DYNC2I1: variants seen among roughly 807,000 people sequenced by gnomAD.
The protein encoded by DYNC2I1 is dynein 2 intermediate chain 1.
A neutral mutation model predicts 133.4 loss-of-function variants in DYNC2I1; 89 were observed. The ratio of observed to expected loss-of-function variants is 0.67; its 90% CI spans 0.56 to 0.80. The LOEUF is 0.80. Among genes scored for constraint, DYNC2I1 ranks in the 30% least tolerant of loss-of-function variants. The probability of loss-of-function intolerance (pLI) is 0.00; values close to 1 mark genes in which losing one functional copy is unlikely to be tolerated. For synonymous variants in DYNC2I1, 504 were observed against 484.3 expected, an observed-to-expected ratio of 1.04 and a Z score of -0.54; for missense variants, 1,291 against 1,314.5, an observed-to-expected ratio of 0.98 and a Z score of 0.28.
intron 2 of DYNC2I1, among the ~76,000 whole-genome samples, chr7:158,870,516 C>CTAATTTTTTAATTTTT (rs11281702): frequency 1.1e-4 from 17 of 147,906 alleles, no homozygotes; most frequent in Middle Eastern, 3.4e-3. Flanking sequence ...ACCAGGCTTG[C>CTAATTTTTTAATTTTT]TAATTTTTTA....
chr7:158,951,546 G>A lies in DYNC2I1; in HGVS notation c.*57-5037G>A, dbSNP rs796509675. On this transcript the variant is annotated intron_variant and NMD_transcript_variant, in intron 4 of 4. Coordinates refer to the DYNC2I1 transcript ENST00000454771. Reference sequence around the variant, plus strand: ...GCGTGTTCCTACCAGCCACAGGAAGGTGCTGGAGCCCCAGGGCATGCTGGC... The same window carrying A: ...GCGTGTTCCTACCAGCCACAGGAAGATGCTGGAGCCCCAGGGCATGCTGGC... Among the ~76,000 whole-genome samples, 8 of 152,382 alleles carry A rather than the reference G, an allele frequency of 5.2e-5. No individual in the cohort carries two copies. In the South Asian group the frequency reaches 1.7e-3, roughly 32 times the overall value.
chr7:158,926,268 G>A lies in DYNC2I1; in HGVS notation c.2339G>A (p.Ser780Asn), dbSNP rs1195935422. The change falls in exon 18 of 25, where the codon AGC becomes AAC. Residue 780 changes from serine to asparagine, a missense_variant. Physicochemically the swap from Ser to Asn is conservative, Grantham distance 46. Coordinates refer to ENST00000407559, the MANE Select transcript of DYNC2I1 (RefSeq NM_018051.5). ...TCAACGTCCGTCCACAAAAAGCAGA[G>A]CTTTGTGCTTTCACCCTTTTCTACT... is the stretch of plus-strand genomic sequence containing the variant. The part of the protein sequence containing the change: ...PISTSVHKKQ[S>N]FVLSPFSTQE... 1.9e-6 allele frequency: 3 copies of A among 1,613,106 alleles called. No homozygotes were observed. Among genetic ancestry groups the A allele is most frequent in the Admixed American group, 1.7e-5 (1 of 59,908 alleles).
chr7:158,934,649 T>G, intron 23 of DYNC2I1, 100 bp downstream of exon 23: 1 of 1,253,120 alleles, frequency 8.0e-7, no homozygotes. Flanking sequence ...GATGTGGTCA[T>G]AGCTCACTGC....
In DYNC2I1 at chr7:158,902,349, G is replaced by T. The variant is rs1585092383; in HGVS notation, c.1138-27G>T. ...ATTGAAAGTCAGTTTGTCTTAAAGG[G>T]TTCCAAAAGATTATTATTGTTTGCA... On this transcript the variant is annotated intron_variant, in intron 9 of 24. Coordinates refer to ENST00000407559, the MANE Select transcript of DYNC2I1 (RefSeq NM_018051.5). The T allele has an allele frequency of 3.8e-6, 6 of 1,595,284 alleles. No individual in the cohort carries two copies. The East Asian group carries it at 6.7e-5, about 18-fold the overall frequency.
At chr7:158,949,793 C>T (rs1334230397), downstream of DYNC2I1, among the ~76,000 whole-genome samples, 18 of 148,368 alleles carry the variant, frequency 1.2e-4, no homozygotes, top group Non-Finnish European at 2.4e-4. Flanking sequence ...TTTTTTCAGA[C>T]GGAGTTTCGC....
At position 158,934,551 on chromosome 7, in the gene DYNC2I1, TAAGA is replaced by T. The variant is rs1301558851; in HGVS notation, c.2778+6_2778+9del. On this transcript the variant is annotated splice_donor_5th_base_variant and intron_variant, in intron 23 of 24. Coordinates refer to ENST00000407559, the MANE Select transcript of DYNC2I1 (RefSeq NM_018051.5). Reference sequence around the variant, plus strand: ...CCATTTGGAGAACCAATATTTTTGGTAAGAAAGTTTGTTTTTCAGAGCTCCAATT... The same window carrying T: ...CCATTTGGAGAACCAATATTTTTGGTAAGTTTGTTTTTCAGAGCTCCAATT... The T allele has an allele frequency of 4.5e-6, 7 of 1,550,676 alleles. No individual in the cohort carries two copies. In the South Asian group the frequency reaches 7.2e-5, roughly 16 times the overall value.
intron 17 of DYNC2I1, among the ~76,000 whole-genome samples, chr7:158,924,711 A>T (rs558948351): frequency 1.3e-4 from 20 of 152,300 alleles, no homozygotes; most frequent in Middle Eastern, 3.4e-3. Flanking sequence ...AAAAACAGTA[A>T]ATCTCTAGAC....
the DYNC2I1 span, among the ~76,000 whole-genome samples, chr7:158,850,256 T>G: frequency 6.6e-6 from 1 of 152,172 alleles, no homozygotes; most frequent in Non-Finnish European, 1.5e-5. Flanking sequence ...GGGCTCTTGT[T>G]CCCAGCTCCT....
chr7:158,846,653 T>G, the DYNC2I1 span, among the ~76,000 whole-genome samples: 5 of 152,220 alleles, frequency 3.3e-5, no homozygotes, highest in Non-Finnish European at 5.9e-5. Context: ...AAATATTGAA[T>G]TACTCTTAAT....
intron 10 of DYNC2I1, chr7:158,904,884 T>C: frequency 3.8e-6 from 1 of 262,984 alleles, no homozygotes; most frequent in Non-Finnish European, 7.4e-6. Context: ...GTTGTGAAGA[T>C]CAGATGAGAT....
chr7:158,940,211 G>C (rs1470029062), intron 23 of DYNC2I1, among the ~76,000 whole-genome samples: 1 of 152,108 alleles, frequency 6.6e-6, no homozygotes, highest in Non-Finnish European at 1.5e-5. Flanking sequence ...GGGGATTTGG[G>C]GGACAGTTTC....
intron 4 of DYNC2I1, among the ~76,000 whole-genome samples, chr7:158,953,718 GTATA>G (rs901011267): frequency 1.3e-5 from 2 of 151,954 alleles, no homozygotes; most frequent in Non-Finnish European, 2.9e-5. Flanking sequence ...ATGCGTGTGT[GTATA>G]TATATGTTAC....
chr7:158,889,860 C>T (rs1845017308), intron 7 of DYNC2I1, among the ~76,000 whole-genome samples: 1 of 151,780 alleles, frequency 6.6e-6, no homozygotes, highest in Non-Finnish European at 1.5e-5. Context: ...CAAAAATTAG[C>T]CGGGTGTGGT....
At position 158,871,298 on chromosome 7, in the gene DYNC2I1, G is replaced by T. The variant is rs1026470941; in HGVS notation, c.226G>T (p.Ala76Ser). The T allele has an allele frequency of 7.0e-6, 11 of 1,578,562 alleles. No individual in the cohort carries two copies. Among genetic ancestry groups the T allele is most frequent in the Non-Finnish European group, 9.5e-6 (11 of 1,161,526 alleles). ...SRDRVAEVHT[A>S]KESPRGERDR... is the part of the protein sequence containing the mutation. ...AGACAGGGTGGCCGAAGTCCACACCGCTAAGGAGAGTCCTCGTGGGGAGAG... is the reference window on the plus strand; with the variant it reads ...AGACAGGGTGGCCGAAGTCCACACCTCTAAGGAGAGTCCTCGTGGGGAGAG... Residue 76 changes from alanine (A) to serine (S), a missense_variant, in exon 3 of 25, where the codon GCT (alanine) becomes TCT (serine). By Grantham distance (99) the Ala-to-Ser change is moderately conservative (BLOSUM62 1). Coordinates refer to ENST00000407559, the MANE Select transcript of DYNC2I1 (RefSeq NM_018051.5).
At chr7:158,937,622 G>GAAAAAAAAAAAAAAAAAAAA (rs71189438) in intron 23 of DYNC2I1, among the ~76,000 whole-genome samples, 12 of 109,452 alleles carry the variant, frequency 1.1e-4, no homozygotes, top group African/African-American at 1.5e-4. Flanking sequence ...ACTGTCTCAA[G>GAAAAAAAAAAAAAAAAAAAA]AAAAAAAAAA....
intron 16 of DYNC2I1, among the ~76,000 whole-genome samples, chr7:158,922,988 CTG>C (rs956231078): frequency 2.6e-4 from 39 of 152,286 alleles, no homozygotes; most frequent in African/African-American, 9.1e-4. Context: ...GTTTCTTAGA[CTG>C]TGTTGAAGTG....
chr7:158,907,522 C>A (rs1450505460), intron 11 of DYNC2I1, among the ~76,000 whole-genome samples: 1 of 152,004 alleles, frequency 6.6e-6, no homozygotes, highest in Non-Finnish European at 1.5e-5. Context: ...AGATGGGGGT[C>A]ATTGGTTGCC....
intron 1 of DYNC2I1, among the ~76,000 whole-genome samples, chr7:158,858,991 C>T (rs1257029260): frequency 5.7e-5 from 5 of 88,218 alleles, no homozygotes; most frequent in Non-Finnish European, 4.7e-5. Flanking sequence ...CCCTCCCCCC[C>T]TTTCCTTTCC....
At chr7:158,885,186 TG>T (rs1440551653) in intron 6 of DYNC2I1, among the ~76,000 whole-genome samples, 1 of 152,152 alleles carries the variant, frequency 6.6e-6, no homozygotes, top group Admixed American at 6.5e-5. Context: ...CCTCAGGCCT[TG>T]GCAGAGACCC....
Sources: gnomAD v4.1 joint callset for allele counts (sites outside exome capture counted in the v4.1 genomes callset) on GRCh38, gnomAD v4.1.1 for gene constraint, MANE v1.5 for transcripts, NCBI Gene and HGNC (gene_info 2026-07-23, HGNC 2026-07-21) for gene names.